MTMR2: variants seen among roughly 807,000 people sequenced by gnomAD.
The protein encoded by MTMR2 is myotubularin related protein 2.
MTMR2 carries 55 observed loss-of-function variants against 86.9 expected under a neutral mutation model. The ratio of observed to expected loss-of-function variants is 0.63; its 90% CI spans 0.51 to 0.79. MTMR2 has a LOEUF of 0.79. Ranked by LOEUF, MTMR2 falls within the 30% of genes least tolerant of loss-of-function variation. The pLI is 0.00. For missense variants in MTMR2, 659 were observed against 772.3 expected, an observed-to-expected ratio of 0.85 and a Z score of 1.74; for synonymous variants, 241 against 266.8, an observed-to-expected ratio of 0.90 and a Z score of 0.94.
At chr11:95,894,414 AT>A (rs1865812970) in intron 1 of MTMR2, among the ~76,000 whole-genome samples, 1 of 152,224 alleles carries the variant, frequency 6.6e-6, no homozygotes, top group Non-Finnish European at 1.5e-5. Flanking sequence ...AATACGTGGC[AT>A]ATGTAGCTAT....
At position 95,862,284 on chromosome 11, in the gene MTMR2, T is replaced by C; in HGVS notation, c.345A>G (p.Lys115=). The change falls in exon 4 of 15, where the codon AAA becomes AAG. Residue 115 remains lysine (K), a synonymous_variant. Transcript: ENST00000346299. ...ATCTGACTCTTACCCGTTCCATGCT[T>C]TTGAAATATAACCTATAATTCGTGA... is the stretch of plus-strand genomic sequence containing the variant. The part of the protein sequence containing the change: ...LTVTNYRLYF[K]SMERDPPFVL... The C allele has an allele frequency of 6.2e-7, 1 of 1,613,862 alleles. No homozygotes were observed. The highest frequency in any genetic ancestry group is 8.5e-7 in the Non-Finnish European group (1 of 1,179,816).
intron 7 of MTMR2, among the ~76,000 whole-genome samples, chr11:95,855,188 A>T (rs780601639): frequency 6.6e-6 from 1 of 152,182 alleles, no homozygotes; most frequent in Non-Finnish European, 1.5e-5. Context: ...GTCCTTCAAG[A>T]GTAAATTAAA....
chr11:95,880,290 C>A (rs989488781), intron 2 of MTMR2, among the ~76,000 whole-genome samples: 2 of 151,968 alleles, frequency 1.3e-5, no homozygotes, highest in Non-Finnish European at 2.9e-5. Context: ...TGTCTATAAT[C>A]AATATATAGT....
chr11:95,840,877 T>G (rs977522733), intron 12 of MTMR2, among the ~76,000 whole-genome samples: 3 of 152,188 alleles, frequency 2.0e-5, no homozygotes, highest in African/African-American at 7.2e-5. Flanking sequence ...CCAGTTGTTT[T>G]GGGGTCTAAT....
intron 1 of MTMR2, among the ~76,000 whole-genome samples, chr11:95,909,494 A>T (rs1428699915): frequency 6.6e-6 from 1 of 152,160 alleles, no homozygotes; most frequent in Non-Finnish European, 1.5e-5. Flanking sequence ...GGGTTCACTG[A>T]TCACATCCAA....
In MTMR2 at chr11:95,836,296, C is replaced by G; in HGVS notation, c.1622G>C (p.Trp541Ser). Residue 541 changes from tryptophan (W) to serine (S), a missense_variant, in exon 14 of 15, where the codon TGG (tryptophan) becomes TCG (serine). Coordinates refer to ENST00000346299, the MANE Select transcript of MTMR2 (RefSeq NM_016156.6). Reference protein sequence around the residue: ...ENLPKRTVSLWSYINSQLEDF... With the variant: ...ENLPKRTVSLSSYINSQLEDF... ...TTCCAGCTGGCTGTTTATGTAAGAC[C>G]ACAGTGACACAGTCCTTTTAGGAAG... 1 of 1,612,656 alleles carries G rather than the reference C, an allele frequency of 6.2e-7. No individual in the cohort carries two copies. The highest frequency in any genetic ancestry group is 1.1e-5 in the South Asian group (1 of 91,026).
chr11:95,859,992 G>C (rs970982548), intron 5 of MTMR2, among the ~76,000 whole-genome samples: 1 of 152,184 alleles, frequency 6.6e-6, no homozygotes, highest in African/African-American at 2.4e-5. Context: ...AAAGTACCAT[G>C]TCAGGGGCCC....
intron 2 of MTMR2, among the ~76,000 whole-genome samples, chr11:95,877,303 G>A (rs1455470530): frequency 1.7e-5 from 2 of 121,166 alleles, no homozygotes; most frequent in East Asian, 2.8e-4. Flanking sequence ...ACATTTCAAA[G>A]TACATTCAAG....
chr11:95,921,620 G>T (rs1397300579), intron 1 of MTMR2, among the ~76,000 whole-genome samples: 1 of 152,158 alleles, frequency 6.6e-6, no homozygotes, highest in Non-Finnish European at 1.5e-5. Context: ...TGATTAAGGA[G>T]AGTGCCACAA....
chr11:95,923,755 A>C, intron 1 of MTMR2, 120 bp downstream of exon 1: 50 of 1,468,778 alleles, frequency 3.4e-5, no homozygotes, highest in East Asian at 5.1e-5. Context: ...GTCCCGGGGA[A>C]GGAATTCCGG....
chr11:95,857,466 C>A, intron 7 of MTMR2, 86 bp downstream of exon 7: 1 of 879,850 alleles, frequency 1.1e-6, no homozygotes, highest in Non-Finnish European at 1.9e-6. Context: ...ATGAGATATG[C>A]TGGTTTTCGT....
intron 6 of MTMR2, among the ~76,000 whole-genome samples, chr11:95,858,113 A>T (rs1400485941): frequency 6.6e-6 from 1 of 152,194 alleles, no homozygotes; most frequent in Middle Eastern, 3.2e-3. Context: ...CATAGAAGTG[A>T]AATGATATAA....
rs555013649 is a variant in MTMR2, at chr11:95,876,668, A to AT, written c.187-10993dup. ...AAAACACACAAGATTCAAATTTATA[A>AT]TTTTTTTTATTCCTACTACATAATC... On this transcript the variant is annotated intron_variant, in intron 2 of 14. Coordinates refer to ENST00000346299, the MANE Select transcript of MTMR2 (RefSeq NM_016156.6). Among the ~76,000 whole-genome samples the AT allele has an allele frequency of 4.6e-5, 7 of 152,134 alleles. No homozygotes were observed. The East Asian group carries it at 9.6e-4, about 21-fold the overall frequency.
In MTMR2 at chr11:95,834,129, C is replaced by A. The variant is rs978983702; in HGVS notation, c.*1161G>T. On this transcript the variant is annotated 3_prime_UTR_variant, in exon 15 of 15. Transcript: ENST00000346299. ...TTGGAATTTCTTTTAATTAAAAGACCAAGGGGACAAGAAGCTCCTTTGTTA... is the reference window on the plus strand; with the variant it reads ...TTGGAATTTCTTTTAATTAAAAGACAAAGGGGACAAGAAGCTCCTTTGTTA... 2 of 152,278 alleles carry A rather than the reference C, an allele frequency of 1.3e-5. No homozygotes were observed. The highest frequency in any genetic ancestry group is 2.9e-5 in the Non-Finnish European group (2 of 67,934). 9.4% of individuals were successfully genotyped at this position (152,278 alleles called of 1,614,324 possible). A position where few individuals can be genotyped will look rare whatever the true frequency, so the allele number is the denominator to read the frequency against.
At chr11:95,918,216 A>G (rs750333745) in intron 1 of MTMR2, among the ~76,000 whole-genome samples, 1 of 152,188 alleles carries the variant, frequency 6.6e-6, no homozygotes, top group Non-Finnish European at 1.5e-5. Context: ...TGGTTCTCAA[A>G]CTTCAGCATC....
chr11:95,906,378 G>T (rs1159894031), intron 1 of MTMR2, among the ~76,000 whole-genome samples: 1 of 152,062 alleles, frequency 6.6e-6, no homozygotes, highest in African/African-American at 2.4e-5. Flanking sequence ...ATCCAACACA[G>T]GAGCTCACCT....
chr11:95,853,737 T>G (rs1454888493), intron 7 of MTMR2, among the ~76,000 whole-genome samples: 10 of 152,262 alleles, frequency 6.6e-5, no homozygotes, highest in Non-Finnish European at 1.5e-4. Flanking sequence ...CTTTATCATT[T>G]TGTTTCATAT....
At chr11:95,889,846 C>G (rs1865651636) in intron 1 of MTMR2, among the ~76,000 whole-genome samples, 1 of 152,104 alleles carries the variant, frequency 6.6e-6, no homozygotes, top group Admixed American at 6.5e-5. Flanking sequence ...ACCTCAAATA[C>G]TTTGAATTGG....
At chr11:95,861,166 A>G (rs1864405942) in intron 5 of MTMR2, among the ~76,000 whole-genome samples, 2 of 150,636 alleles carry the variant, frequency 1.3e-5, no homozygotes, top group South Asian at 4.2e-4. Context: ...AAAAAAAAAG[A>G]AAAATTATGA....
Sources: allele counts gnomAD v4.1 joint callset (sites outside exome capture counted in the v4.1 genomes callset), GRCh38; gene constraint gnomAD v4.1.1; transcripts MANE v1.5; gene names NCBI Gene and HGNC (gene_info 2026-07-23, HGNC 2026-07-21).